SLC66A2: variants seen among roughly 807,000 people sequenced by gnomAD.
The protein encoded by SLC66A2 is solute carrier family 66 member 2.
In SLC66A2, 23 loss-of-function variants were observed where a neutral mutation model predicts 25.5. The ratio of observed to expected loss-of-function variants is 0.90; its 90% CI spans 0.65 to 1.28. The LOEUF (loss-of-function observed/expected upper bound fraction) is 1.28. SLC66A2 is among the 50% of genes most tolerant of loss of function. The pLI is 0.00. For missense variants in SLC66A2, 396 were observed against 373.1 expected (o/e 1.06, Z -0.51); for synonymous variants, 193 against 166.5 (o/e 1.16, Z -1.23).
rs1430394415 is a variant in SLC66A2, at chr18:79,918,421, G to GGGGA, written c.608+762_608+763insTCCC. On this transcript the variant is annotated intron_variant, in intron 5 of 5. Coordinates refer to ENST00000397778, the MANE Select transcript of SLC66A2 (RefSeq NM_025078.5). This position sits in a 1 kb window ranked among gnomAD's most constrained non-coding sequence, Gnocchi z 4.0. ...CGGATCCCCAGTGAGGAGCGGGCCC[G>GGGGA]GGGGGGGGTCCCCAGTGAGGAGCGG... Among the ~76,000 whole-genome samples the GGGGA allele has an allele frequency of 2.3e-5, 1 of 43,834 alleles. No homozygotes were observed. Among genetic ancestry groups the GGGGA allele is most frequent in the Non-Finnish European group, 7.4e-5 (1 of 13,484 alleles). The allele number at this position is 43,834 out of a possible 152,430, so 28.8% of individuals were successfully genotyped here.
At chr18:79,911,633 G>A (rs976910125) in intron 5 of SLC66A2, among the ~76,000 whole-genome samples, 5 of 152,212 alleles carry the variant, frequency 3.3e-5, no homozygotes, top group Non-Finnish European at 4.4e-5. Flanking sequence ...TCCAGCTGCC[G>A]GGACGCTCTG....
chr18:79,925,381 G>A (rs532708532), intron 4 of SLC66A2, among the ~76,000 whole-genome samples: 56 of 152,372 alleles, frequency 3.7e-4, no homozygotes, highest in African/African-American at 1.2e-3. Flanking sequence ...GCTGACAGCC[G>A]GCAGTGCAGA....
rs1449702236 is a variant in SLC66A2, at chr18:79,904,635, G to T, written c.609-452C>A. ...GGCCTGGGAGGGTGCTGAGGACGCA[G>T]ATCTGTGCCCCCAGGCACACAGCCA... On this transcript the variant is annotated intron_variant, in intron 5 of 5. Coordinates refer to ENST00000397778, the MANE Select transcript of SLC66A2 (RefSeq NM_025078.5). This position sits in a 1 kb window ranked among gnomAD's most constrained non-coding sequence, Gnocchi z 6.3. 6.6e-6 allele frequency among the ~76,000 whole-genome samples: 1 copy of T among 152,154 alleles called. No homozygotes were observed. Among genetic ancestry groups the T allele is most frequent in the Admixed American group, 6.5e-5 (1 of 15,286 alleles).
chr18:79,905,488 G>A (rs1981982262), intron 5 of SLC66A2, among the ~76,000 whole-genome samples: 1 of 152,258 alleles, frequency 6.6e-6, no homozygotes, highest in Middle Eastern at 3.2e-3. Context: ...GCCCAGGCAG[G>A]GCTGCACAGC....
intron 1 of SLC66A2, 35 bp from the exon 2 acceptor site, chr18:79,951,060 AG>A (rs2051106022): frequency 1.7e-6 from 1 of 598,920 alleles, no homozygotes; most frequent in Admixed American, 4.6e-5. Context: ...AGTTCCGCCC[AG>A]GGAGGCTGGG....
At chr18:79,926,339 G>C (rs1985945383) in intron 4 of SLC66A2, among the ~76,000 whole-genome samples, 1 of 152,064 alleles carries the variant, frequency 6.6e-6, no homozygotes, top group Non-Finnish European at 1.5e-5. Context: ...GTCTGGGTGG[G>C]GAGCCCTTTC....
chr18:79,947,907 T>A (rs1345849837), intron 2 of SLC66A2, among the ~76,000 whole-genome samples: 1 of 151,748 alleles, frequency 6.6e-6, no homozygotes, highest in Non-Finnish European at 1.5e-5. Flanking sequence ...GGGGACCGGG[T>A]GGGCACAAGA....
intron 2 of SLC66A2, among the ~76,000 whole-genome samples, chr18:79,950,379 T>C (rs928827240): frequency 1.3e-5 from 2 of 151,924 alleles, no homozygotes; most frequent in South Asian, 4.2e-4. Context: ...AGAAAAACTA[T>C]ACAACATGAA....
At chr18:79,930,998 A>G (rs1343233152) in intron 4 of SLC66A2, among the ~76,000 whole-genome samples, 1 of 152,242 alleles carries the variant, frequency 6.6e-6, no homozygotes, top group Non-Finnish European at 1.5e-5. Context: ...TTAAGTTAGT[A>G]TAAATTTGAA....
chr18:79,950,829 T>C lies in SLC66A2; in HGVS notation c.98A>G (p.Tyr33Cys). The change falls in exon 2 of 6, where the codon TAC (tyrosine) becomes TGC (cysteine). Residue 33 changes from tyrosine (Y) to cysteine (C), a missense_variant. Transcript: ENST00000397778. Reference sequence around the variant, plus strand: ...GCGAATGTCCCGATACTGCGGGACGTAGGGCACCACCCCTCCGAAGACCAT... The same window carrying C: ...GCGAATGTCCCGATACTGCGGGACGCAGGGCACCACCCCTCCGAAGACCAT... The part of the protein sequence containing the change: ...AAMVFGGVVP[Y>C]VPQYRDIRRT... 1 of 1,612,622 alleles carries C rather than the reference T, an allele frequency of 6.2e-7. No homozygotes were observed. Among genetic ancestry groups the C allele is most frequent in the Non-Finnish European group, 8.5e-7 (1 of 1,179,840 alleles).
Position 79,951,645 on chromosome 18 carries a change from C to G in SLC66A2, c.-164G>C, listed in dbSNP as rs924466846. On this transcript the variant is annotated 5_prime_UTR_variant, in exon 1 of 6. Transcript: ENST00000397778. ...CGCCGCTGACCCGCGCGCGTCTCGGCGTCAGTCCGCTCAGGCGCCGGGAAA... is the reference window on the plus strand; with the variant it reads ...CGCCGCTGACCCGCGCGCGTCTCGGGGTCAGTCCGCTCAGGCGCCGGGAAA... 2.6e-5 allele frequency: 4 copies of G among 151,734 alleles called. No individual in the cohort carries two copies. The allele number at this position is 151,734 out of a possible 1,614,324, so 9.4% of individuals were successfully genotyped here.
intron 4 of SLC66A2, among the ~76,000 whole-genome samples, chr18:79,931,186 C>T (rs2144864923): frequency 6.6e-6 from 1 of 152,134 alleles, no homozygotes; most frequent in Middle Eastern, 3.4e-3. Flanking sequence ...ATACAGAAAC[C>T]AGAAAGTAAA....
rs1019843061 is a variant in SLC66A2, at chr18:79,903,261, C to G, written c.*715G>C. 4.6e-5 allele frequency: 7 copies of G among 152,456 alleles called. No homozygotes were observed. The highest frequency in any genetic ancestry group is 1.7e-4 in the African/African-American group (7 of 41,476). 9.4% of individuals were successfully genotyped at this position (152,456 alleles called of 1,614,324 possible). A position where few individuals can be genotyped will look rare whatever the true frequency, so the allele number is the denominator to read the frequency against. On this transcript the variant is annotated 3_prime_UTR_variant, in exon 6 of 6. Coordinates refer to ENST00000397778, the MANE Select transcript of SLC66A2 (RefSeq NM_025078.5). ...ATGGTCGCTGGCATCTGCCACGTCC[C>G]CAAGGACTCGAGGAGAACCAGAGGC...
At chr18:79,908,133 A>G (rs1982405362) in intron 5 of SLC66A2, among the ~76,000 whole-genome samples, 1 of 152,228 alleles carries the variant, frequency 6.6e-6, no homozygotes, top group South Asian at 2.1e-4. Context: ...AAAAATATAT[A>G]TATTATATTT....
At chr18:79,911,614 C>T (rs1018635024) in intron 5 of SLC66A2, among the ~76,000 whole-genome samples, 5 of 152,340 alleles carry the variant, frequency 3.3e-5, no homozygotes, top group South Asian at 4.1e-4. Flanking sequence ...CTGCTGGCTG[C>T]GGGGACATTC....
At chr18:79,924,410 C>T (rs1368611171) in intron 4 of SLC66A2, among the ~76,000 whole-genome samples, 1 of 152,116 alleles carries the variant, frequency 6.6e-6, no homozygotes. Flanking sequence ...GAGCCGCCGT[C>T]GGGGCTGGGG....
rs979318372 is a variant in SLC66A2, at chr18:79,904,998, T to A, written c.609-815A>T. 6.6e-6 allele frequency among the ~76,000 whole-genome samples: 1 copy of A among 152,106 alleles called. No individual in the cohort carries two copies. The highest frequency in any genetic ancestry group is 2.4e-5 in the African/African-American group (1 of 41,422). On this transcript the variant is annotated intron_variant, in intron 5 of 5. Coordinates refer to ENST00000397778, the MANE Select transcript of SLC66A2 (RefSeq NM_025078.5). This position sits in a 1 kb window ranked among gnomAD's most constrained non-coding sequence, Gnocchi z 6.3. ...CGTCCGTCCCGCTCATAAGCCAGGG[T>A]GGGCACCTGGGTGCCGTAGCCGCCC...
At chr18:79,942,107 G>T (rs901015559) in intron 3 of SLC66A2, among the ~76,000 whole-genome samples, 1 of 152,214 alleles carries the variant, frequency 6.6e-6, no homozygotes, top group Non-Finnish European at 1.5e-5. Context: ...ATGTAAAACC[G>T]CAGCTCCTCA....
intron 3 of SLC66A2, among the ~76,000 whole-genome samples, chr18:79,942,513 A>G (rs910544891): frequency 1.3e-5 from 2 of 152,256 alleles, no homozygotes; most frequent in Non-Finnish European, 2.9e-5. Flanking sequence ...AAGAGCTCAA[A>G]TCCACAGAAG....
Sources: allele counts gnomAD v4.1 joint callset (sites outside exome capture counted in the v4.1 genomes callset), GRCh38; gene constraint gnomAD v4.1.1; non-coding constraint Gnocchi (gnomAD v3.1); transcripts MANE v1.5; gene names NCBI Gene and HGNC (gene_info 2026-07-23, HGNC 2026-07-21).